MEIS2: variants seen among roughly 807,000 people sequenced by gnomAD.
MEIS2 encodes Meis homeobox 2.
In MEIS2, 9 loss-of-function variants were observed where a neutral mutation model predicts 58.6. The observed-to-expected ratio is 0.15, with a 90% CI of 0.09 to 0.27. The LOEUF (loss-of-function observed/expected upper bound fraction) is 0.27, where lower values mean the gene tolerates loss of function less well. Among genes scored for constraint, MEIS2 ranks in the 10% least tolerant of loss-of-function variants. The pLI, the probability that MEIS2 is intolerant of heterozygous loss-of-function variation, is 1.00. For synonymous variants in MEIS2, 221 were observed against 228.4 expected (o/e 0.97, Z 0.29); for missense variants, 427 against 635.0 (o/e 0.67, Z 3.52).
chr15:36,941,517 C>T (rs567250490), intron 9 of MEIS2, among the ~76,000 whole-genome samples: 3 of 152,154 alleles, frequency 2.0e-5, no homozygotes, highest in South Asian at 2.1e-4. Flanking sequence ...TTTGGAAGAG[C>T]GTATTTTTCT....
Position 36,949,143 on chromosome 15 carries a change from A to G in MEIS2, c.977+1181T>C, listed in dbSNP as rs368026361. Among the ~76,000 whole-genome samples the G allele has an allele frequency of 3.9e-5, 6 of 151,970 alleles. No individual in the cohort carries two copies. In the East Asian group the frequency reaches 5.8e-4, roughly 15 times the overall value. ...AAATGCTATCCACACTATAGGGTGC[A>G]TTAAAGTCAGATAACGGCAGTTCCT... On this transcript the variant is annotated intron_variant, in intron 9 of 11. Transcript: ENST00000561208.
chr15:37,034,868 G>A (rs1017792210), intron 8 of MEIS2, among the ~76,000 whole-genome samples: 1 of 152,126 alleles, frequency 6.6e-6, no homozygotes, highest in African/African-American at 2.4e-5. Flanking sequence ...CAGAGTTGGG[G>A]ACTTGGAAGT....
chr15:37,085,255 G>T (rs750412846), intron 6 of MEIS2, among the ~76,000 whole-genome samples: 5 of 152,090 alleles, frequency 3.3e-5, no homozygotes, highest in Non-Finnish European at 7.3e-5. Flanking sequence ...AATTCAGACA[G>T]AGCCACGTGG....
upstream of MEIS2, chr15:37,100,916 C>T (rs1895048576): frequency 6.6e-6 from 1 of 151,862 alleles, no homozygotes; most frequent in African/African-American, 2.4e-5. Context: ...CCCATCACTC[C>T]CGGCTCCTGC....
At chr15:37,042,487 T>C (rs1276473564) in intron 7 of MEIS2, among the ~76,000 whole-genome samples, 1 of 152,190 alleles carries the variant, frequency 6.6e-6, no homozygotes, top group Admixed American at 6.5e-5. Flanking sequence ...CTACACATGG[T>C]CAAGGATAAA....
At chr15:37,030,007 T>C (rs956539611) in intron 8 of MEIS2, among the ~76,000 whole-genome samples, 1 of 146,870 alleles carries the variant, frequency 6.8e-6, no homozygotes, top group Non-Finnish European at 1.5e-5. Context: ...CTACAATCAA[T>C]CAATCAATAA....
At chr15:37,088,204 T>C (rs1327898622) in intron 6 of MEIS2, among the ~76,000 whole-genome samples, 2 of 152,128 alleles carry the variant, frequency 1.3e-5, no homozygotes, top group African/African-American at 4.8e-5. Flanking sequence ...CCTACACAAC[T>C]ATATAACATC....
At chr15:37,066,463 C>T (rs1199604940) in intron 7 of MEIS2, 3 of 152,124 alleles carry the variant, frequency 2.0e-5, no homozygotes, top group Non-Finnish European at 4.4e-5. Context: ...CTCTTTCTAT[C>T]GTGACAGTCA....
At position 36,892,159 on chromosome 15, in the gene MEIS2, T is replaced by C. The variant is rs1454487065; in HGVS notation, c.*14A>G. ...TTTTTGCGTGTGTTTCCTTTTCCCTTGAGTTCCCTTATACTATTGGGCATG... is the reference window on the plus strand; with the variant it reads ...TTTTTGCGTGTGTTTCCTTTTCCCTCGAGTTCCCTTATACTATTGGGCATG... On this transcript the variant is annotated 3_prime_UTR_variant, in exon 12 of 12. Transcript: ENST00000561208. 6.2e-7 allele frequency: 1 copy of C among 1,613,182 alleles called. No homozygotes were observed. Among genetic ancestry groups the C allele is most frequent in the South Asian group, 1.1e-5 (1 of 90,818 alleles).
At chr15:37,094,606 A>T (rs1163776863) in intron 4 of MEIS2, 29 bp from the exon 5 acceptor site, 1 of 1,603,416 alleles carries the variant, frequency 6.2e-7, no homozygotes, top group Non-Finnish European at 8.5e-7. Flanking sequence ...GAATGGAGTT[A>T]GAGCTCTGTG....
intron 8 of MEIS2, among the ~76,000 whole-genome samples, chr15:37,009,220 C>T (rs539365707): frequency 1.3e-5 from 2 of 152,056 alleles, no homozygotes; most frequent in East Asian, 3.9e-4. Context: ...ACCTGGGAGG[C>T]GGAGCTTGCA....
At chr15:37,098,882 C>A in intron 1 of MEIS2, 74 of 983,708 alleles carry the variant, frequency 7.5e-5, no homozygotes, top group Non-Finnish European at 8.8e-5. Context: ...GGTGGGGGGG[C>A]GAATAACGTG....
intron 8 of MEIS2, among the ~76,000 whole-genome samples, chr15:36,961,570 G>C (rs1369746122): frequency 3.2e-4 from 49 of 152,022 alleles, no homozygotes; most frequent in Non-Finnish European, 1.2e-4. Context: ...AAAAAATAAG[G>C]CTACATGCTG....
At chr15:36,977,525 A>T (rs1256434755) in intron 8 of MEIS2, among the ~76,000 whole-genome samples, 1 of 152,200 alleles carries the variant, frequency 6.6e-6, no homozygotes, top group African/African-American at 2.4e-5. Flanking sequence ...TACTAGAAGG[A>T]ATAATAATGC....
chr15:37,092,748 A>T (rs1427394808), intron 6 of MEIS2, among the ~76,000 whole-genome samples: 48 of 49,584 alleles, frequency 9.7e-4, no homozygotes, highest in African/African-American at 6.7e-4. Context: ...TTTTTTTTTT[A>T]GCATCAGACT....
chr15:37,100,805 G>C (rs1239483678), upstream of MEIS2: 1 of 151,170 alleles, frequency 6.6e-6, no homozygotes, highest in East Asian at 2.0e-4. Flanking sequence ...AGGACAGGGA[G>C]AGCGCAGAGA....
At chr15:36,941,875 T>C (rs1195782574) in intron 9 of MEIS2, among the ~76,000 whole-genome samples, 1 of 152,184 alleles carries the variant, frequency 6.6e-6, no homozygotes, top group Non-Finnish European at 1.5e-5. Context: ...TGAATCCAGA[T>C]CTTTGGGGAT....
chr15:36,932,257 T>C (rs1289417757), intron 9 of MEIS2, among the ~76,000 whole-genome samples: 1 of 152,178 alleles, frequency 6.6e-6, no homozygotes, highest in Non-Finnish European at 1.5e-5. Flanking sequence ...AGATGCCGAG[T>C]TGCATGACTC....
At chr15:36,899,459 A>C (rs2141233194) in intron 9 of MEIS2, among the ~76,000 whole-genome samples, 1 of 152,318 alleles carries the variant, frequency 6.6e-6, no homozygotes, top group South Asian at 2.1e-4. Context: ...AAAACAAATC[A>C]AACTAGAAAT....
Sources: allele counts gnomAD v4.1 joint callset (sites outside exome capture counted in the v4.1 genomes callset), GRCh38; gene constraint gnomAD v4.1.1; transcripts MANE v1.5; gene names NCBI Gene and HGNC (gene_info 2026-07-23, HGNC 2026-07-21).